Variants in PDHA1 observed in about 807,000 individuals in gnomAD.
The protein encoded by PDHA1 is pyruvate dehydrogenase E1 subunit alpha 1.
Under a neutral mutation model 33.0 loss-of-function variants are expected in PDHA1, and 1 was observed. That is an observed-to-expected ratio of 0.03 (90% CI 0.01 to 0.14). The LOEUF (loss-of-function observed/expected upper bound fraction) is 0.14, where lower values mean the gene tolerates loss of function less well. Among genes scored for constraint, PDHA1 ranks in the 10% least tolerant of loss-of-function variants. PDHA1 has a pLI of 1.00. For synonymous variants in PDHA1, 123 were observed against 119.2 expected (o/e 1.03, Z -0.21); for missense variants, 168 against 325.1 (o/e 0.52, Z 3.72).
chrX:19,352,210 GTCC>G (rs1248175289), intron 4 of PDHA1, among the ~76,000 whole-genome samples: 73 of 105,079 alleles, frequency 6.9e-4, no homozygotes, highest in Non-Finnish European at 1.1e-3. Flanking sequence ...ACTGTGCCCG[GTCC>G]TCCTCCTCCT....
At chrX:19,358,013 G>T (rs1023747228) in intron 9 of PDHA1, among the ~76,000 whole-genome samples, 1 of 111,452 alleles carries the variant, frequency 9.0e-6, no homozygotes, top group Admixed American at 9.5e-5. Context: ...TGGTAGTGTA[G>T]TATCTTGGGG....
intron 1 of PDHA1, among the ~76,000 whole-genome samples, chrX:19,347,376 C>T (rs141144477): frequency 0.019 from 2,165 of 112,471 alleles, 62 homozygotes; most frequent in African/African-American, 0.066. Flanking sequence ...GCTTCTTTAA[C>T]TTTGTTCCTT....
intron 1 of PDHA1, chrX:19,345,701 C>A: frequency 4.3e-6 from 1 of 234,479 alleles, no homozygotes; most frequent in South Asian, 4.7e-5. Context: ...TTTTCTTCTT[C>A]TTCTGCAAGT....
intron 8 of PDHA1, among the ~76,000 whole-genome samples, chrX:19,356,883 T>A (rs1321622182): frequency 8.9e-6 from 1 of 111,886 alleles, no homozygotes; most frequent in Non-Finnish European, 1.9e-5. Flanking sequence ...CCTCAATGTT[T>A]CTCCACCCCA....
At chrX:19,345,791 G>C (rs1176836992) in intron 1 of PDHA1, 2 of 291,997 alleles carry the variant, frequency 6.8e-6, no homozygotes, top group Non-Finnish European at 1.3e-5. Flanking sequence ...TTGAGTTCCA[G>C]ATATGAAGTC....
chrX:19,357,178 G>C (rs2063208024), intron 8 of PDHA1, among the ~76,000 whole-genome samples: 1 of 112,181 alleles, frequency 8.9e-6, no homozygotes, highest in African/African-American at 3.2e-5. Flanking sequence ...CACACTCACA[G>C]CTCACTGCAC....
In PDHA1 at chrX:19,356,392, G is replaced by A. The variant is rs1022732379; in HGVS notation, c.831+635G>A. ...GGCACTTCAGCGCCATACCATGTAC[G>A]TTTAGGCAGTGATGTGAATCAGATG... On this transcript the variant is annotated intron_variant, in intron 8 of 10. Coordinates refer to ENST00000422285, the MANE Select transcript of PDHA1 (RefSeq NM_000284.4). Among the ~76,000 whole-genome samples the A allele has an allele frequency of 2.7e-5, 3 of 111,869 alleles. No homozygotes were observed. In the East Asian group the frequency reaches 8.4e-4, roughly 31 times the overall value.
At chrX:19,356,359 C>T (rs1170219202) in intron 8 of PDHA1, among the ~76,000 whole-genome samples, 1 of 111,627 alleles carries the variant, frequency 9.0e-6, no homozygotes. Context: ...AACAAGGTTT[C>T]TGAAGTTGGC....
rs762905278 is a variant in PDHA1, at chrX:19,361,255, C to G, written c.*1602C>G. 1 of 821,463 alleles carries G rather than the reference C, an allele frequency of 1.2e-6. No individual in the cohort carries two copies. The highest frequency in any genetic ancestry group is 1.7e-6 in the Non-Finnish European group (1 of 575,318). 67.7% of individuals were successfully genotyped at this position (821,463 alleles called of 1,213,427 possible). On this transcript the variant is annotated 3_prime_UTR_variant, in exon 11 of 11. Coordinates refer to ENST00000422285, the MANE Select transcript of PDHA1 (RefSeq NM_000284.4). ...TAGAACTCCAGAGTTTGGGGGGAGG[C>G]CCAGCCCTTTGTTTTCTGCTCTTGA...
Position 19,355,453 on chromosome X carries a change from G to C in PDHA1, c.708G>C (p.Ala236=), listed in dbSNP as rs750307419. 8.3e-7 allele frequency: 1 copy of C among 1,211,961 alleles called. No homozygotes were observed. Among genetic ancestry groups the C allele is most frequent in the Non-Finnish European group, 1.1e-6 (1 of 895,252 alleles). The part of the protein sequence containing the change: ...RYGMGTSVER[A]AASTDYYKRG... Reference sequence around the variant, plus strand: ...GAATGGGAACGTCTGTTGAGAGAGCGGCAGCCAGCACTGATTACTACAAGA... The same window carrying C: ...GAATGGGAACGTCTGTTGAGAGAGCCGCAGCCAGCACTGATTACTACAAGA... The change falls in exon 7 of 11, where the codon GCG becomes GCC. Residue 236 remains alanine, a synonymous_variant. Coordinates refer to ENST00000422285, the MANE Select transcript of PDHA1 (RefSeq NM_000284.4).
intron 8 of PDHA1, 187 bp from the exon 9 acceptor site, chrX:19,357,465 T>C: frequency 2.0e-6 from 1 of 499,326 alleles, no homozygotes; most frequent in Non-Finnish European, 3.6e-6. Flanking sequence ...AGATGAAATA[T>C]GCAATCAATA....
intron 6 of PDHA1, 179 bp from the exon 7 acceptor site, chrX:19,355,170 C>G: frequency 1.9e-6 from 1 of 518,043 alleles, no homozygotes. Context: ...AGTATGATGC[C>G]TGCTACTTCT....
rs1486817144 is a variant in PDHA1, at chrX:19,359,889, ACT to A, written c.*239_*240del. ...TTAAAATAGTATACTTTGAACAAAT[ACT>A]CTAATTATGAAAAGGAAGAACAATT... On this transcript the variant is annotated 3_prime_UTR_variant, in exon 11 of 11. Transcript: ENST00000422285. 7.1e-5 allele frequency: 29 copies of A among 409,848 alleles called. No individual in the cohort carries two copies. The allele number at this position is 409,848 out of a possible 1,213,427, so 33.8% of individuals were successfully genotyped here.
chrX:19,348,849 C>T (rs2063148169), intron 1 of PDHA1, among the ~76,000 whole-genome samples: 1 of 111,701 alleles, frequency 9.0e-6, no homozygotes, highest in Non-Finnish European at 1.9e-5. Flanking sequence ...GAGACTGAGA[C>T]AGGAGAAATC....
chrX:19,359,108 T>C, intron 10 of PDHA1, 84 bp downstream of exon 10: 1 of 579,327 alleles, frequency 1.7e-6, no homozygotes, highest in Non-Finnish European at 3.1e-6. Flanking sequence ...TGTGGGTTCC[T>C]CCAAGCCCAG....
chrX:19,344,217 T>A, intron 1 of PDHA1, 123 bp downstream of exon 1: 1 of 572,635 alleles, frequency 1.7e-6, no homozygotes, highest in South Asian at 2.8e-5. Flanking sequence ...CCGGGGAGCC[T>A]TTACTTCGCC....
At chrX:19,352,283 G>A (rs965579712) in intron 4 of PDHA1, among the ~76,000 whole-genome samples, 1 of 102,350 alleles carries the variant, frequency 9.8e-6, no homozygotes, top group African/African-American at 3.7e-5. Context: ...TGGAGTGGCT[G>A]GAGTGAAGTG....
rs996383456 is a variant in PDHA1 at position 19,357,344 on chromosome X, C to G, written c.832-308C>G. 11 of 310,848 alleles carry G rather than the reference C, an allele frequency of 3.5e-5. No homozygotes were observed. The Admixed American group carries it at 3.8e-4, about 11-fold the overall frequency. The allele number at this position is 310,848 out of a possible 1,213,427, so 25.6% of individuals were successfully genotyped here. A position where few individuals can be genotyped will look rare whatever the true frequency, so the allele number is the denominator to read the frequency against. ...CTCCTGGGCGCAAGTGCTCTGCCCA[C>G]CTCAGCTTCCCAAAGTGCTGGGATT... On this transcript the variant is annotated intron_variant, in intron 8 of 10. Coordinates refer to ENST00000422285, the MANE Select transcript of PDHA1 (RefSeq NM_000284.4).
chrX:19,349,198 ATGTTGG>A, intron 1 of PDHA1, 108 bp from the exon 2 acceptor site: 1 of 543,950 alleles, frequency 1.8e-6, no homozygotes, highest in Non-Finnish European at 3.2e-6. Flanking sequence ...GCCTATGAAT[ATGTTGG>A]GGCTTATTAA....
Sources: allele counts gnomAD v4.1 joint callset (sites outside exome capture counted in the v4.1 genomes callset), GRCh38; gene constraint gnomAD v4.1.1; transcripts MANE v1.5; gene names NCBI Gene and HGNC (gene_info 2026-07-23, HGNC 2026-07-21).